The following CYP4X1 variants were observed in gnomAD, a reference collection of about 807,000 sequenced individuals.
CYP4X1 encodes the protein cytochrome P450 family 4 subfamily X member 1.
Under a neutral mutation model 57.9 loss-of-function variants are expected in CYP4X1, and 44 were observed. The observed-to-expected ratio is 0.76, with a 90% confidence interval of 0.60 to 0.98. The LOEUF is 0.98. Ranked by LOEUF, CYP4X1 falls within the 50% of genes least tolerant of loss-of-function variation. The probability of loss-of-function intolerance (pLI) is 0.00; values close to 1 mark genes in which losing one functional copy is unlikely to be tolerated. For missense variants in CYP4X1, 532 were observed against 623.9 expected, an observed-to-expected ratio of 0.85 and a Z score of 1.57; for synonymous variants, 227 against 228.6, an observed-to-expected ratio of 0.99 and a Z score of 0.06.
At chr1:47,014,454 C>T in the CYP4X1 span, among the ~76,000 whole-genome samples, 9 of 152,178 alleles carry the variant, frequency 5.9e-5, no homozygotes, top group Non-Finnish European at 8.8e-5. Context: ...CAGAAACATT[C>T]CAACTCTCCT....
the CYP4X1 span, among the ~76,000 whole-genome samples, chr1:46,978,428 C>T: frequency 6.6e-6 from 1 of 152,112 alleles, no homozygotes; most frequent in Non-Finnish European, 1.5e-5. Context: ...GAAGAGCTAA[C>T]TATTCTAAAC....
chr1:46,972,015 T>A, the CYP4X1 span, among the ~76,000 whole-genome samples: 1 of 152,198 alleles, frequency 6.6e-6, no homozygotes. Context: ...TGCCAGGGCC[T>A]ATGGCCAAAA....
At chr1:47,033,151 C>A in intron 3 of CYP4X1, 90 bp from the exon 4 acceptor site, 2 of 1,451,022 alleles carry the variant, frequency 1.4e-6, no homozygotes, top group South Asian at 1.4e-5. Flanking sequence ...GCCTGTGGGT[C>A]ATGGTTACTC....
chr1:47,023,073 A>T (rs143342117), upstream of CYP4X1, among the ~76,000 whole-genome samples: 54 of 152,368 alleles, frequency 3.5e-4, 1 homozygote, highest in East Asian at 0.01. Flanking sequence ...TGAACCCAGA[A>T]GAGCATATGC....
chr1:47,048,905 C>T (rs1458716598), intron 10 of CYP4X1, among the ~76,000 whole-genome samples: 1 of 152,184 alleles, frequency 6.6e-6, no homozygotes, highest in Non-Finnish European at 1.5e-5. Flanking sequence ...TTGGCCACAT[C>T]ATCATTTTGA....
At chr1:46,979,729 T>C in the CYP4X1 span, among the ~76,000 whole-genome samples, 1 of 152,172 alleles carries the variant, frequency 6.6e-6, no homozygotes, top group African/African-American at 2.4e-5. Flanking sequence ...AAATCCTCAA[T>C]AATATACTGG....
upstream of CYP4X1, among the ~76,000 whole-genome samples, chr1:47,022,792 C>G (rs1368561790): frequency 1.3e-5 from 2 of 151,992 alleles, no homozygotes; most frequent in Admixed American, 6.6e-5. Context: ...TAGCCTAAAT[C>G]AATGAATAAA....
chr1:46,991,266 A>G, the CYP4X1 span, among the ~76,000 whole-genome samples: 2 of 152,152 alleles, frequency 1.3e-5, no homozygotes, highest in African/African-American at 4.8e-5. Context: ...TTTTATCAAG[A>G]AACGAGAGCC....
the CYP4X1 span, among the ~76,000 whole-genome samples, chr1:46,973,082 C>G: frequency 1.3e-5 from 2 of 151,954 alleles, no homozygotes; most frequent in Non-Finnish European, 2.9e-5. Flanking sequence ...CCATATATAG[C>G]TCTTATTTTT....
downstream of CYP4X1, among the ~76,000 whole-genome samples, chr1:47,052,959 G>A (rs142517298): frequency 0.072 from 10,942 of 151,854 alleles, 505 homozygotes; most frequent in East Asian, 0.22. Context: ...GGGTACATGT[G>A]CACAATGTGC....
the CYP4X1 span, among the ~76,000 whole-genome samples, chr1:46,975,725 G>A: frequency 6.6e-6 from 1 of 151,972 alleles, no homozygotes; most frequent in East Asian, 1.9e-4. Flanking sequence ...AGTGAGGCTT[G>A]GGAAATTTTT....
chr1:46,991,836 C>T, the CYP4X1 span, among the ~76,000 whole-genome samples: 1 of 152,144 alleles, frequency 6.6e-6, no homozygotes, highest in African/African-American at 2.4e-5. Flanking sequence ...AAGGAGGAGG[C>T]TTTGGAGTCT....
At chr1:47,027,993 A>G (rs1400740977) in intron 1 of CYP4X1, among the ~76,000 whole-genome samples, 1 of 152,238 alleles carries the variant, frequency 6.6e-6, no homozygotes, top group East Asian at 1.9e-4. Context: ...AGTGCATGGT[A>G]CAGTTCCTGG....
chr1:47,011,995 G>C, the CYP4X1 span, among the ~76,000 whole-genome samples: 2 of 152,224 alleles, frequency 1.3e-5, no homozygotes, highest in Admixed American at 6.5e-5. Flanking sequence ...GTGGAAGACA[G>C]TGTGGCGATT....
At chr1:47,018,651 T>C in the CYP4X1 span, among the ~76,000 whole-genome samples, 1 of 152,142 alleles carries the variant, frequency 6.6e-6, no homozygotes, top group African/African-American at 2.4e-5. Context: ...TGCTGAAACA[T>C]AACAATATGT....
the CYP4X1 span, among the ~76,000 whole-genome samples, chr1:46,992,270 A>T: frequency 6.6e-6 from 1 of 152,266 alleles, no homozygotes; most frequent in African/African-American, 2.4e-5. Flanking sequence ...ATATAAAAAT[A>T]GACACTTTAA....
upstream of CYP4X1, chr1:47,023,541 G>C (rs1048052918): frequency 4.6e-5 from 55 of 1,197,632 alleles, no homozygotes; most frequent in Middle Eastern, 3.3e-4. Context: ...AAAACTGTTG[G>C]ACTTAAAAGA....
At chr1:46,976,311 C>A in the CYP4X1 span, among the ~76,000 whole-genome samples, 5 of 152,252 alleles carry the variant, frequency 3.3e-5, no homozygotes, top group African/African-American at 9.6e-5. Context: ...CGCCTGGATC[C>A]GTGGGTCCCA....
At chr1:47,032,005 T>C (rs1386160239) in intron 3 of CYP4X1, among the ~76,000 whole-genome samples, 1 of 152,062 alleles carries the variant, frequency 6.6e-6, no homozygotes, top group Non-Finnish European at 1.5e-5. Flanking sequence ...ATTGTGCCAC[T>C]GCACTCCAGA....
Sources: allele counts gnomAD v4.1 joint callset (sites outside exome capture counted in the v4.1 genomes callset), GRCh38; gene constraint gnomAD v4.1.1; transcripts MANE v1.5; gene names NCBI Gene and HGNC (gene_info 2026-07-23, HGNC 2026-07-21).